PKNOX2: variants seen among roughly 807,000 people sequenced by gnomAD.
PKNOX2 encodes homeobox protein PKNOX2.
Under a neutral mutation model 53.1 loss-of-function variants are expected in PKNOX2, and 14 were observed. The ratio of observed to expected loss-of-function variants is 0.26; its 90% confidence interval spans 0.17 to 0.41. The LOEUF is 0.41. PKNOX2 is among the 10% of genes least tolerant of loss of function. The pLI is 1.00. For missense variants in PKNOX2, 496 were observed against 602.8 expected, an observed-to-expected ratio of 0.82 and a Z score of 1.85; for synonymous variants, 257 against 242.8, an observed-to-expected ratio of 1.06 and a Z score of -0.54.
chr11:125,373,192 T>C (rs1418605132), intron 5 of PKNOX2, among the ~76,000 whole-genome samples: 1 of 152,210 alleles, frequency 6.6e-6, no homozygotes, highest in East Asian at 1.9e-4. Flanking sequence ...GGCTAGCTCA[T>C]CTCTCTGGGA....
At chr11:125,260,426 T>C (rs1944758326) in intron 2 of PKNOX2, among the ~76,000 whole-genome samples, 1 of 151,748 alleles carries the variant, frequency 6.6e-6, no homozygotes, top group South Asian at 2.1e-4. Context: ...CTCAATCTCC[T>C]GACCTCGTGA....
At chr11:125,174,037 T>C (rs1227047132) in intron 1 of PKNOX2, among the ~76,000 whole-genome samples, 1 of 152,232 alleles carries the variant, frequency 6.6e-6, no homozygotes, top group African/African-American at 2.4e-5. Context: ...AAGGAATGGA[T>C]GCTCCTCTGT....
chr11:125,220,666 G>T (rs574607103), intron 1 of PKNOX2, among the ~76,000 whole-genome samples: 1 of 152,172 alleles, frequency 6.6e-6, no homozygotes, highest in Non-Finnish European at 1.5e-5. Flanking sequence ...CAATTCTCCC[G>T]TCATACCTTG....
intron 10 of PKNOX2, among the ~76,000 whole-genome samples, chr11:125,420,430 G>A (rs530491810): frequency 6.6e-6 from 1 of 151,744 alleles, no homozygotes; most frequent in Admixed American, 6.6e-5. Flanking sequence ...GGAGGCTGAG[G>A]CAGGAGAATG....
intron 10 of PKNOX2, among the ~76,000 whole-genome samples, chr11:125,421,931 G>A (rs931302101): frequency 6.6e-6 from 1 of 152,148 alleles, no homozygotes; most frequent in Non-Finnish European, 1.5e-5. Context: ...CCCTGTGGGA[G>A]AAGCTGGACA....
At chr11:125,393,956 C>T (rs1954238684) in intron 6 of PKNOX2, among the ~76,000 whole-genome samples, 2 of 151,952 alleles carry the variant, frequency 1.3e-5, no homozygotes, top group Admixed American at 6.6e-5. Context: ...CTTCATATCG[C>T]TCACCAGTTG....
At chr11:125,289,512 T>A (rs1009230905) in intron 2 of PKNOX2, among the ~76,000 whole-genome samples, 1 of 152,192 alleles carries the variant, frequency 6.6e-6, no homozygotes, top group Non-Finnish European at 1.5e-5. Flanking sequence ...TATTTATATA[T>A]CAGGTCATTT....
intron 3 of PKNOX2, among the ~76,000 whole-genome samples, chr11:125,337,447 G>A (rs1014685974): frequency 1.3e-5 from 2 of 152,124 alleles, no homozygotes; most frequent in South Asian, 2.1e-4. Context: ...ACTGATAATC[G>A]GACTGCGCTC....
chr11:125,430,681 A>G (rs563275471), intron 12 of PKNOX2, among the ~76,000 whole-genome samples: 4 of 152,312 alleles, frequency 2.6e-5, no homozygotes, highest in African/African-American at 9.6e-5. Context: ...GTGTGCACAC[A>G]TAACCTCATG....
chr11:125,245,801 T>C (rs932245717), intron 2 of PKNOX2, among the ~76,000 whole-genome samples: 8 of 152,164 alleles, frequency 5.3e-5, no homozygotes, highest in African/African-American at 1.9e-4. Flanking sequence ...ACTGAGTTTC[T>C]CAGTACTGAG....
intron 10 of PKNOX2, among the ~76,000 whole-genome samples, 193 bp from the exon 11 acceptor site, chr11:125,428,819 G>A (rs897647780): frequency 2.6e-5 from 4 of 152,238 alleles, no homozygotes; most frequent in East Asian, 1.9e-4. Flanking sequence ...GTGGAGTCTC[G>A]GGCATGGGGC....
chr11:125,299,468 T>C (rs12295727), intron 2 of PKNOX2, among the ~76,000 whole-genome samples: 23,830 of 151,016 alleles, frequency 0.16, 2,000 homozygotes, highest in East Asian at 0.25. Flanking sequence ...GAGAGCTGAC[T>C]GAGGCCAGGG....
chr11:125,234,503 T>A (rs180948954), intron 1 of PKNOX2, among the ~76,000 whole-genome samples: 1 of 152,212 alleles, frequency 6.6e-6, no homozygotes. Flanking sequence ...TCCTGCCCAA[T>A]TGGACTCTTC....
At chr11:125,349,343 G>T (rs1181284343) in intron 3 of PKNOX2, among the ~76,000 whole-genome samples, 1 of 151,510 alleles carries the variant, frequency 6.6e-6, no homozygotes, top group Non-Finnish European at 1.5e-5. Flanking sequence ...TGGTTCCCCT[G>T]CCTGAAGAGA....
intron 1 of PKNOX2, among the ~76,000 whole-genome samples, chr11:125,222,767 ATG>A (rs1010765853): frequency 3.1e-5 from 4 of 127,438 alleles, no homozygotes; most frequent in African/African-American, 6.0e-5. Context: ...GTATGTGTGT[ATG>A]TGTGTGTGTA....
intron 2 of PKNOX2, among the ~76,000 whole-genome samples, chr11:125,300,963 C>T (rs1426156): frequency 0.22 from 33,990 of 152,062 alleles, 4,269 homozygotes; most frequent in East Asian, 0.39. Context: ...TAAGCTCTAG[C>T]GAGATTGCAG....
intron 1 of PKNOX2, among the ~76,000 whole-genome samples, chr11:125,232,745 C>T (rs1209085382): frequency 6.6e-6 from 1 of 152,064 alleles, no homozygotes; most frequent in Admixed American, 6.6e-5. Context: ...TTACTGCAGC[C>T]TATGATCACA....
chr11:125,314,151 G>C (rs1375268742), intron 2 of PKNOX2, among the ~76,000 whole-genome samples: 2 of 152,200 alleles, frequency 1.3e-5, no homozygotes, highest in African/African-American at 4.8e-5. Flanking sequence ...TGACTCTGGG[G>C]ACAGTTGATG....
At chr11:125,361,886 G>T (rs1282530240) in intron 4 of PKNOX2, among the ~76,000 whole-genome samples, 1 of 152,194 alleles carries the variant, frequency 6.6e-6, no homozygotes, top group Non-Finnish European at 1.5e-5. Context: ...GGTTTCCTGT[G>T]GGCTCTCGGC....
Sources: gnomAD v4.1 joint callset for allele counts (sites outside exome capture counted in the v4.1 genomes callset) on GRCh38, gnomAD v4.1.1 for gene constraint, MANE v1.5 for transcripts, NCBI Gene and HGNC (gene_info 2026-07-23, HGNC 2026-07-21) for gene names.